The following LIMCH1 variants were observed in gnomAD, a reference collection of about 807,000 sequenced individuals.
LIMCH1 encodes the protein LIM and calponin homology domains 1.
A neutral mutation model predicts 176.5 loss-of-function variants in LIMCH1; 113 were observed. The observed-to-expected ratio is 0.64, with a 90% CI of 0.55 to 0.75. The LOEUF (loss-of-function observed/expected upper bound fraction) is 0.75, where lower values mean the gene tolerates loss of function less well. LIMCH1 is among the 30% of genes least tolerant of loss of function. The probability of loss-of-function intolerance (pLI) is 0.00; values close to 1 mark genes in which losing one functional copy is unlikely to be tolerated. For missense variants in LIMCH1, 1,674 were observed against 1,814.9 expected (o/e 0.92, Z 1.41); for synonymous variants, 619 against 645.9 (o/e 0.96, Z 0.63).
intron 1 of LIMCH1, among the ~76,000 whole-genome samples, chr4:41,401,871 C>T (rs2058476224): frequency 6.6e-6 from 1 of 152,082 alleles, no homozygotes; most frequent in Non-Finnish European, 1.5e-5. Context: ...GTGATTTTTG[C>T]ACATTGATTT....
chr4:41,419,588 T>TTCCTTCCTCCTTCCTTCCTTCCTTCC (rs2060291630), intron 1 of LIMCH1, among the ~76,000 whole-genome samples: 5 of 86,784 alleles, frequency 5.8e-5, no homozygotes, highest in African/African-American at 4.4e-4. Context: ...CCTTCCTTCC[T>TTCCTTCCTCCTTCCTTCCTTCCTTCC]TCCTTCCTTC....
In LIMCH1 at chr4:41,652,665, C is replaced by T. The variant is rs139501404; in HGVS notation, c.3036+2057C>T. 2.8e-4 allele frequency among the ~76,000 whole-genome samples: 42 copies of T among 152,244 alleles called. No homozygotes were observed. In the East Asian group the frequency reaches 8.1e-3, roughly 29 times the overall value. On this transcript the variant is annotated intron_variant, in intron 18 of 31. Coordinates refer to ENST00000503057, the MANE Select transcript of LIMCH1 (RefSeq NM_001330672.2). ...TAATTCTGTTCTTATTTCTCTTTTG[C>T]CATTTTTCATGATGATCGTTTTCTA...
rs1340687584 is a variant in LIMCH1 at position 41,520,047 on chromosome 4, A to G, written c.168-4362A>G. On this transcript the variant is annotated intron_variant, in intron 2 of 26. Coordinates refer to the LIMCH1 transcript ENST00000313860. ...GATTTTTAATAAGCAGAAATTTTCT[A>G]TATGCATGTAGTTGTAACTTTATTT... Among the ~76,000 whole-genome samples, 10 of 152,334 alleles carry G rather than the reference A, an allele frequency of 6.6e-5. No individual in the cohort carries two copies. In the East Asian group the frequency reaches 9.6e-4, roughly 15 times the overall value.
chr4:41,482,877 G>A (rs2068882201), intron 1 of LIMCH1, among the ~76,000 whole-genome samples: 1 of 152,172 alleles, frequency 6.6e-6, no homozygotes, highest in Admixed American at 6.5e-5. Flanking sequence ...TTCATTAATT[G>A]CCTAAGATGA....
rs147814517 is a variant in LIMCH1, at chr4:41,449,980, T to A, written c.97-44556T>A. ...GTGTACCCAGATTCCCCCTTTATGA[T>A]GGCACCAGTCACATTGGATTAGAGG... is the stretch of plus-strand genomic sequence containing the variant. On this transcript the variant is annotated intron_variant, in intron 1 of 26. Transcript: ENST00000313860. 3.4e-3 allele frequency among the ~76,000 whole-genome samples: 524 copies of A among 152,296 alleles called. 2 individuals carry two copies. The highest frequency in any genetic ancestry group is 0.012 in the African/African-American group (490 of 41,564).
chr4:41,407,281 T>C (rs1246687197), intron 1 of LIMCH1, among the ~76,000 whole-genome samples: 1 of 152,180 alleles, frequency 6.6e-6, no homozygotes, highest in Non-Finnish European at 1.5e-5. Flanking sequence ...CAGGCTGGAG[T>C]GCAGTGGTGC....
chr4:41,419,034 G>A (rs2060193088), intron 1 of LIMCH1, among the ~76,000 whole-genome samples: 1 of 151,860 alleles, frequency 6.6e-6, no homozygotes, highest in East Asian at 1.9e-4. Context: ...AAAGGTAGAG[G>A]GCTTATTTCA....
At chr4:41,408,315 C>T (rs956848799) in intron 1 of LIMCH1, among the ~76,000 whole-genome samples, 1 of 152,140 alleles carries the variant, frequency 6.6e-6, no homozygotes, top group Non-Finnish European at 1.5e-5. Context: ...GTAAAAGACT[C>T]GCCCTGAGAA....
chr4:41,680,144 T>C, intron 24 of LIMCH1, 46 bp downstream of exon 24: 1 of 1,312,910 alleles, frequency 7.6e-7, no homozygotes, highest in Non-Finnish European at 1.1e-6. Context: ...TCCCAATTCC[T>C]CAAAGTCTAG....
chr4:41,591,171 A>T (rs1310951140), intron 1 of LIMCH1, among the ~76,000 whole-genome samples: 1 of 152,136 alleles, frequency 6.6e-6, no homozygotes, highest in African/African-American at 2.4e-5. Context: ...AGCCTTTCTG[A>T]GGTATGCTAG....
intron 14 of LIMCH1, 47 bp from the exon 15 acceptor site, chr4:41,644,453 C>G: frequency 7.0e-7 from 1 of 1,438,500 alleles, no homozygotes; most frequent in Non-Finnish European, 9.2e-7. Flanking sequence ...GGAGACGCGA[C>G]GGGCGCTGAT....
intron 1 of LIMCH1, among the ~76,000 whole-genome samples, chr4:41,416,409 T>C (rs1422133381): frequency 3.3e-5 from 5 of 152,006 alleles, no homozygotes; most frequent in African/African-American, 9.7e-5. Flanking sequence ...CCCAGCACTT[T>C]GGGAGGCTGA....
intron 2 of LIMCH1, among the ~76,000 whole-genome samples, chr4:41,518,088 GA>G (rs1338956959): frequency 1.3e-5 from 2 of 152,120 alleles, no homozygotes; most frequent in African/African-American, 4.8e-5. Flanking sequence ...TGTTCTTCCC[GA>G]AACTCTAGGA....
At chr4:41,680,210 C>T (rs543152547) in intron 24 of LIMCH1, 112 bp downstream of exon 24, 2 of 712,854 alleles carry the variant, frequency 2.8e-6, no homozygotes, top group East Asian at 2.7e-5. Context: ...TGACTCTTTA[C>T]TGACAGCAGA....
intron 1 of LIMCH1, among the ~76,000 whole-genome samples, chr4:41,395,972 A>T (rs2057764708): frequency 6.6e-6 from 1 of 152,202 alleles, no homozygotes; most frequent in African/African-American, 2.4e-5. Context: ...CTTACTGAGA[A>T]GGTGACAGTG....
intron 1 of LIMCH1, among the ~76,000 whole-genome samples, chr4:41,543,353 A>G (rs2078925691): frequency 6.6e-6 from 1 of 152,210 alleles, no homozygotes; most frequent in South Asian, 2.1e-4. Flanking sequence ...GTTTGAGTGT[A>G]TTGTTAGGGA....
At chr4:41,580,241 C>T (rs527644986) in intron 1 of LIMCH1, among the ~76,000 whole-genome samples, 3 of 152,272 alleles carry the variant, frequency 2.0e-5, no homozygotes, top group South Asian at 2.1e-4. Context: ...GTCCATGGAA[C>T]GTGTACTGTC....
chr4:41,380,614 G>A (rs1053546627), intron 1 of LIMCH1, among the ~76,000 whole-genome samples: 19 of 152,040 alleles, frequency 1.2e-4, no homozygotes, highest in African/African-American at 4.1e-4. Flanking sequence ...TCTGGATCAG[G>A]GCCTGAGCAT....
intron 2 of LIMCH1, among the ~76,000 whole-genome samples, chr4:41,501,654 T>C (rs373868896): frequency 2.0e-5 from 3 of 152,322 alleles, no homozygotes; most frequent in East Asian, 3.9e-4. Flanking sequence ...CCTTATATTT[T>C]GTCTCTAAAG....
Sources: allele counts gnomAD v4.1 joint callset (sites outside exome capture counted in the v4.1 genomes callset), GRCh38; gene constraint gnomAD v4.1.1; transcripts MANE v1.5; gene names NCBI Gene and HGNC (gene_info 2026-07-23, HGNC 2026-07-21).